The following LMO2 variants were observed in gnomAD, a reference collection of about 807,000 sequenced individuals.
LMO2 encodes LIM domain only 2.
In LMO2, 20 loss-of-function variants were observed where a neutral mutation model predicts 23.2. The observed-to-expected ratio is 0.86, with a 90% CI of 0.61 to 1.25. The LOEUF (loss-of-function observed/expected upper bound fraction) is 1.25, where lower values mean the gene tolerates loss of function less well. Ranked by LOEUF, LMO2 falls within the 50% of genes most tolerant of loss-of-function variation. The probability of loss-of-function intolerance (pLI) is 0.00; values close to 1 mark genes in which losing one functional copy is unlikely to be tolerated. For synonymous variants in LMO2, 123 were observed against 130.2 expected, an observed-to-expected ratio of 0.94 and a Z score of 0.38; for missense variants, 270 against 315.3, an observed-to-expected ratio of 0.86 and a Z score of 1.09.
At chr11:33,878,194 C>T (rs1024031717) in intron 2 of LMO2, among the ~76,000 whole-genome samples, 5 of 152,018 alleles carry the variant, frequency 3.3e-5, no homozygotes, top group Non-Finnish European at 7.4e-5. Context: ...TAATCCTGCT[C>T]ACTCCATTGA....
chr11:33,883,064 C>A (rs771587227), intron 1 of LMO2, among the ~76,000 whole-genome samples: 3 of 152,210 alleles, frequency 2.0e-5, no homozygotes, highest in Non-Finnish European at 2.9e-5. Flanking sequence ...TAATTTTCAT[C>A]ATTATATTTG....
At chr11:33,872,213 C>A (rs913174718) in intron 2 of LMO2, among the ~76,000 whole-genome samples, 2 of 152,190 alleles carry the variant, frequency 1.3e-5, no homozygotes, top group Non-Finnish European at 2.9e-5. Flanking sequence ...ATCACTTGAA[C>A]CCAGGAGGCA....
At position 33,864,878 on chromosome 11, in the gene LMO2, C is replaced by CGAGAT. The variant is rs1565024601; in HGVS notation, c.249-66_249-62dup. On this transcript the variant is annotated intron_variant, in intron 4 of 5. Coordinates refer to ENST00000257818, the MANE Select transcript of LMO2 (RefSeq NM_005574.4). The surrounding 1 kb of genome is among the most constrained non-coding windows in gnomAD (Gnocchi z 4.8). ...CAGAGTGAGACCAGCACCGAGGGTC[C>CGAGAT]GAGATCGTTTTGGGCCAGACAGGGC... 6.6e-7 allele frequency: 1 copy of CGAGAT among 1,522,832 alleles called. No individual in the cohort carries two copies. The highest frequency in any genetic ancestry group is 9.0e-7 in the Non-Finnish European group (1 of 1,105,834). 94.3% of individuals were successfully genotyped at this position (1,522,832 alleles called of 1,614,324 possible). A position where few individuals can be genotyped will look rare whatever the true frequency, so the allele number is the denominator to read the frequency against.
intron 2 of LMO2, among the ~76,000 whole-genome samples, chr11:33,873,883 TA>T (rs1196303363): frequency 1.3e-5 from 2 of 152,238 alleles, no homozygotes; most frequent in African/African-American, 4.8e-5. Flanking sequence ...TTCAAGTGAC[TA>T]AGGTTACATT....
chr11:33,887,539 G>A (rs1429423873), intron 1 of LMO2, among the ~76,000 whole-genome samples: 1 of 108,910 alleles, frequency 9.2e-6, no homozygotes, highest in African/African-American at 3.6e-5. Context: ...CAGGAATGTG[G>A]ATTTTTTTTT....
chr11:33,865,024 C>A (rs1159546539), intron 4 of LMO2: 6 of 615,298 alleles, frequency 9.8e-6, no homozygotes, highest in Non-Finnish European at 1.8e-5. Flanking sequence ...GACCTTACTC[C>A]CTAGATGTCT....
intron 2 of LMO2, 32 bp from the exon 3 acceptor site, chr11:33,870,019 T>A (rs1205476900): frequency 1.1e-6 from 1 of 933,458 alleles, no homozygotes; most frequent in South Asian, 5.0e-5. Context: ...TAGAAGGAAA[T>A]CACATTTAAA....
intron 5 of LMO2, among the ~76,000 whole-genome samples, chr11:33,863,051 C>G (rs1431922872): frequency 6.6e-6 from 1 of 151,912 alleles, no homozygotes; most frequent in African/African-American, 2.4e-5. Flanking sequence ...TAGGGAGAAG[C>G]TGGGGCTCTT....
intron 4 of LMO2, among the ~76,000 whole-genome samples, chr11:33,867,488 T>C (rs193114526): frequency 1.5e-4 from 23 of 152,348 alleles, no homozygotes; most frequent in Non-Finnish European, 2.9e-4. Flanking sequence ...ATTAGATTGA[T>C]TCACCCTCAA....
At chr11:33,886,887 G>A (rs1857423160) in intron 1 of LMO2, among the ~76,000 whole-genome samples, 1 of 152,212 alleles carries the variant, frequency 6.6e-6, no homozygotes, top group Non-Finnish European at 1.5e-5. Flanking sequence ...ATGTGTTAGG[G>A]GATGGGAGAG....
At chr11:33,884,313 G>A (rs922151598) in intron 1 of LMO2, among the ~76,000 whole-genome samples, 8 of 151,992 alleles carry the variant, frequency 5.3e-5, no homozygotes, top group Non-Finnish European at 7.4e-5. Flanking sequence ...CTCCATTGGG[G>A]GTCAGGCTGG....
At chr11:33,879,233 G>T (rs1483942366) in intron 2 of LMO2, among the ~76,000 whole-genome samples, 2 of 152,106 alleles carry the variant, frequency 1.3e-5, no homozygotes, top group Non-Finnish European at 2.9e-5. Context: ...TAAAACTTTG[G>T]TGCATCAAAA....
intron 2 of LMO2, among the ~76,000 whole-genome samples, chr11:33,873,774 G>A (rs990039714): frequency 1.6e-4 from 25 of 152,166 alleles, no homozygotes; most frequent in African/African-American, 5.3e-4. Context: ...CAATCTACAC[G>A]ATGGCTCTGA....
At chr11:33,878,978 A>T (rs780314035) in intron 2 of LMO2, among the ~76,000 whole-genome samples, 1 of 152,204 alleles carries the variant, frequency 6.6e-6, no homozygotes, top group Non-Finnish European at 1.5e-5. Context: ...CAGTTCCTAG[A>T]TTCACACTGA....
chr11:33,869,656 G>A lies in LMO2; in HGVS notation c.7+54C>T. The A allele has an allele frequency of 5.6e-6, 7 of 1,260,718 alleles. 1 individual carries two copies. In the Middle Eastern group the frequency reaches 1.3e-3, roughly 233 times the overall value. 78.1% of individuals were successfully genotyped at this position (1,260,718 alleles called of 1,614,324 possible). A position where few individuals can be genotyped will look rare whatever the true frequency, so the allele number is the denominator to read the frequency against. On this transcript the variant is annotated intron_variant, in intron 3 of 5. Transcript: ENST00000257818. ...CGCCGCGGCCGAGGCGGGGGCCGGGGCGCGCAGCCTGGCTCCAGGCGGCTG... is the reference window on the plus strand; with the variant it reads ...CGCCGCGGCCGAGGCGGGGGCCGGGACGCGCAGCCTGGCTCCAGGCGGCTG...
chr11:33,886,295 ACAC>A (rs1244492526), intron 1 of LMO2, among the ~76,000 whole-genome samples: 1 of 152,234 alleles, frequency 6.6e-6, no homozygotes, highest in Non-Finnish European at 1.5e-5. Context: ...GTGCTGGAGG[ACAC>A]CACATGCGCT....
intron 1 of LMO2, among the ~76,000 whole-genome samples, chr11:33,883,549 G>A (rs1036696626): frequency 9.2e-5 from 14 of 152,166 alleles, no homozygotes; most frequent in African/African-American, 3.4e-4. Flanking sequence ...TCAACAGTGA[G>A]GTGCTGATCA....
chr11:33,869,656 G>T, intron 3 of LMO2, 54 bp downstream of exon 3: 2 of 1,260,718 alleles, frequency 1.6e-6, no homozygotes, highest in Non-Finnish European at 2.0e-6. Flanking sequence ...GGGGGCCGGG[G>T]CGCGCAGCCT....
intron 1 of LMO2, among the ~76,000 whole-genome samples, chr11:33,884,010 T>C (rs754765084): frequency 1.3e-5 from 2 of 152,092 alleles, no homozygotes; most frequent in Non-Finnish European, 2.9e-5. Context: ...ACCATAACAA[T>C]ATTCCAGTGA....
Sources: gnomAD v4.1 joint callset for allele counts (sites outside exome capture counted in the v4.1 genomes callset) on GRCh38, gnomAD v4.1.1 for gene constraint, Gnocchi (gnomAD v3.1) non-coding constraint, MANE v1.5 for transcripts, NCBI Gene and HGNC (gene_info 2026-07-23, HGNC 2026-07-21) for gene names.